The following ANO1 variants were observed in gnomAD, a reference collection of about 807,000 sequenced individuals.
ANO1 encodes the protein anoctamin 1.
In ANO1, 59 loss-of-function variants were observed where a neutral mutation model predicts 124.0. The ratio of observed to expected loss-of-function variants is 0.48; its 90% CI spans 0.39 to 0.59. The LOEUF is 0.59. Ranked by LOEUF, ANO1 falls within the 20% of genes least tolerant of loss-of-function variation. The pLI, the probability that ANO1 is intolerant of heterozygous loss-of-function variation, is 0.00. For synonymous variants in ANO1, 529 were observed against 532.0 expected (o/e 0.99, Z 0.08); for missense variants, 1,059 against 1,328.0 (o/e 0.80, Z 3.15).
At chr11:70,109,312 A>C (rs938820905) in intron 6 of ANO1, among the ~76,000 whole-genome samples, 1 of 152,308 alleles carries the variant, frequency 6.6e-6, no homozygotes, top group Non-Finnish European at 1.5e-5. Context: ...AGGGCTCGGA[A>C]CTGGAATTCC....
intron 1 of ANO1, among the ~76,000 whole-genome samples, chr11:70,037,014 T>C (rs1002369119): frequency 3.3e-5 from 5 of 152,310 alleles, no homozygotes; most frequent in African/African-American, 7.2e-5. Context: ...TGACTGTCAC[T>C]CAATAAACAT....
chr11:70,081,794 C>T (rs1461769405), intron 1 of ANO1, among the ~76,000 whole-genome samples: 2 of 152,222 alleles, frequency 1.3e-5, no homozygotes, highest in African/African-American at 4.8e-5. Context: ...AGGTGTGGAC[C>T]AGATATAGGC....
At chr11:70,101,243 C>T (rs2045259415) in intron 2 of ANO1, among the ~76,000 whole-genome samples, 1 of 152,054 alleles carries the variant, frequency 6.6e-6, no homozygotes, top group Non-Finnish European at 1.5e-5. Flanking sequence ...TCCACCGAGG[C>T]TCTCGCTGGG....
chr11:70,033,253 G>T (rs1208414364), intron 1 of ANO1, among the ~76,000 whole-genome samples: 1 of 152,150 alleles, frequency 6.6e-6, no homozygotes, highest in African/African-American at 2.4e-5. Context: ...TTGGGGAAAT[G>T]AAGTCATTTT....
intron 6 of ANO1, among the ~76,000 whole-genome samples, chr11:70,108,991 C>A (rs1409930600): frequency 6.6e-6 from 1 of 152,230 alleles, no homozygotes; most frequent in African/African-American, 2.4e-5. Flanking sequence ...AACCACCCCC[C>A]ACAGTGGGTC....
chr11:70,126,397 T>C (rs1437971986), intron 10 of ANO1, among the ~76,000 whole-genome samples: 1 of 152,250 alleles, frequency 6.6e-6, no homozygotes, highest in African/African-American at 2.4e-5. Flanking sequence ...CAGGCCCATC[T>C]GTGCTAGGCT....
chr11:70,183,368 A>C (rs935885409), intron 24 of ANO1, among the ~76,000 whole-genome samples: 1 of 152,204 alleles, frequency 6.6e-6, no homozygotes, highest in Non-Finnish European at 1.5e-5. Context: ...CTGTTTCCCA[A>C]TAGTCAGTGA....
chr11:70,147,479 C>T (rs1303381041), intron 11 of ANO1, among the ~76,000 whole-genome samples: 2 of 152,220 alleles, frequency 1.3e-5, no homozygotes, highest in Non-Finnish European at 2.9e-5. Context: ...TGCGTGTCTG[C>T]TGAGTGGCTG....
chr11:70,078,932 C>G (rs2044117198), intron 1 of ANO1, among the ~76,000 whole-genome samples: 1 of 151,826 alleles, frequency 6.6e-6, no homozygotes, highest in Non-Finnish European at 1.5e-5. Flanking sequence ...GCGTTCCGAG[C>G]GCGGCGCCCA....
chr11:70,085,383 A>T, intron 1 of ANO1: 1 of 1,486,254 alleles, frequency 6.7e-7, no homozygotes. Flanking sequence ...GCACCCTCAG[A>T]CTTTGTCACA....
At chr11:69,997,574 G>A (rs1399355745) in intron 1 of ANO1, among the ~76,000 whole-genome samples, 1 of 152,160 alleles carries the variant, frequency 6.6e-6, no homozygotes, top group Non-Finnish European at 1.5e-5. Context: ...CTTTGCACAA[G>A]CATTCTCCTC....
rs780505960 is a variant in ANO1, at chr11:70,126,157, C to T, written c.1059C>T (p.Phe353=). 11 of 1,613,654 alleles carry T rather than the reference C, an allele frequency of 6.8e-6. No homozygotes were observed. In the South Asian group the frequency reaches 1.1e-4, roughly 16 times the overall value. ...IPASIVGIIV[F]LYGCATMDEN... ...CCTCCATCGTGGGAATCATTGTCTT[C>T]CTGTACGGATGCGCCACCATGGATG... The change falls in exon 10 of 26, where the codon TTC becomes TTT. Residue 353 remains phenylalanine (F), a synonymous_variant. Transcript: ENST00000355303.
At chr11:70,155,754 C>T (rs967873655) in intron 14 of ANO1, among the ~76,000 whole-genome samples, 157 bp from the exon 15 acceptor site, 8 of 152,232 alleles carry the variant, frequency 5.3e-5, no homozygotes, top group African/African-American at 1.7e-4. Context: ...TTGTTTAAAA[C>T]GCCCAGAACC....
intron 1 of ANO1, among the ~76,000 whole-genome samples, chr11:70,037,809 A>G (rs1232722749): frequency 6.6e-6 from 1 of 152,116 alleles, no homozygotes; most frequent in East Asian, 1.9e-4. Context: ...TTTGACTCTC[A>G]CATCAACCCC....
At position 70,108,328 on chromosome 11, in the gene ANO1, AC is replaced by A. The variant is rs755953496; in HGVS notation, c.748-19del. ...TGGAAGGTGCCTTAAGTAACTGCTC[AC>A]CCCCCTTCTTGTCTCTGCAATAGGT... is the stretch of plus-strand genomic sequence containing the variant. On this transcript the variant is annotated intron_variant, in intron 5 of 25. Transcript: ENST00000355303. 9.4e-6 allele frequency: 15 copies of A among 1,600,184 alleles called. No individual in the cohort carries two copies. In the African/African-American group the frequency reaches 1.9e-4, roughly 20 times the overall value.
chr11:70,151,466 A>T (rs1243250884), intron 12 of ANO1, among the ~76,000 whole-genome samples: 2 of 152,178 alleles, frequency 1.3e-5, no homozygotes, highest in Non-Finnish European at 2.9e-5. Flanking sequence ...AATAGAAAAA[A>T]AAAAGCAGTC....
chr11:70,068,906 G>C, intron 1 of ANO1, among the ~76,000 whole-genome samples: 1 of 152,210 alleles, frequency 6.6e-6, no homozygotes, highest in East Asian at 1.9e-4. Context: ...TCTGCAAGCT[G>C]ATGGTCCCCA....
At chr11:70,075,923 T>TG (rs1425702434), upstream of ANO1, among the ~76,000 whole-genome samples, 1 of 152,216 alleles carries the variant, frequency 6.6e-6, no homozygotes, top group African/African-American at 2.4e-5. Flanking sequence ...GCTCCTATTT[T>TG]GGGGGGCTAT....
intron 1 of ANO1, among the ~76,000 whole-genome samples, chr11:69,996,531 T>C (rs1554998379): frequency 6.6e-6 from 1 of 152,148 alleles, no homozygotes; most frequent in African/African-American, 2.4e-5. Flanking sequence ...GGAACAGGTG[T>C]TTTTCTGCCC....
Sources: gnomAD v4.1 joint callset for allele counts (sites outside exome capture counted in the v4.1 genomes callset) on GRCh38, gnomAD v4.1.1 for gene constraint, MANE v1.5 for transcripts, NCBI Gene and HGNC (gene_info 2026-07-23, HGNC 2026-07-21) for gene names.